The following PLEKHA7 variants were observed in gnomAD, a reference collection of about 807,000 sequenced individuals.
PLEKHA7 encodes the protein pleckstrin homology domain-containing family A member 7.
In PLEKHA7, 104 loss-of-function variants were observed where a neutral mutation model predicts 170.0. The ratio of observed to expected loss-of-function variants is 0.61; its 90% CI spans 0.52 to 0.72. The LOEUF is 0.72. PLEKHA7 is among the 30% of genes least tolerant of loss of function. PLEKHA7 has a pLI of 0.00. For missense variants in PLEKHA7, 1,615 were observed against 1,671.7 expected (o/e 0.97, Z 0.59); for synonymous variants, 648 against 660.8 (o/e 0.98, Z 0.30).
intron 3 of PLEKHA7, among the ~76,000 whole-genome samples, chr11:17,011,111 G>A (rs1865298400): frequency 1.3e-5 from 2 of 152,180 alleles, no homozygotes; most frequent in African/African-American, 4.8e-5. Context: ...AGTCAGCAAA[G>A]GTGTGGAAGG....
At chr11:16,976,831 G>T (rs1863096946) in intron 3 of PLEKHA7, among the ~76,000 whole-genome samples, 1 of 152,194 alleles carries the variant, frequency 6.6e-6, no homozygotes, top group Non-Finnish European at 1.5e-5. Flanking sequence ...TGCCTGCTTA[G>T]CTCACTACCA....
At chr11:16,951,134 A>G (rs539453036) in intron 3 of PLEKHA7, among the ~76,000 whole-genome samples, 39 of 152,326 alleles carry the variant, frequency 2.6e-4, no homozygotes, top group African/African-American at 9.4e-4. Flanking sequence ...GAAGTTTATC[A>G]TCCATATTGC....
chr11:16,962,164 G>A (rs998448254), intron 3 of PLEKHA7, among the ~76,000 whole-genome samples: 3 of 152,214 alleles, frequency 2.0e-5, no homozygotes, highest in Non-Finnish European at 4.4e-5. Flanking sequence ...TGTACATGGT[G>A]GCAAAGTGCT....
At chr11:16,896,882 G>A (rs1857026285) in intron 3 of PLEKHA7, among the ~76,000 whole-genome samples, 1 of 151,970 alleles carries the variant, frequency 6.6e-6, no homozygotes, top group Non-Finnish European at 1.5e-5. Flanking sequence ...TTGTCCTTTA[G>A]AAGCCTTCCA....
rs1857976752 is a variant in PLEKHA7 at position 16,908,157 on chromosome 11, A to C, written c.222-36975T>G. Among the ~76,000 whole-genome samples, 3 of 150,846 alleles carry C rather than the reference A, an allele frequency of 2.0e-5. No homozygotes were observed. The South Asian group carries it at 6.3e-4, about 32-fold the overall frequency. ...GCCGCAGGGTCCTCTGCCTAGGAAA[A>C]CCAGAGACCTTTGTTCACTTATCTG... On this transcript the variant is annotated intron_variant, in intron 3 of 26. Coordinates refer to ENST00000531066, the MANE Select transcript of PLEKHA7 (RefSeq NM_001329630.2).
chr11:16,932,786 G>A (rs867661021), intron 3 of PLEKHA7, among the ~76,000 whole-genome samples: 8 of 152,196 alleles, frequency 5.3e-5, no homozygotes, highest in African/African-American at 9.7e-5. Context: ...GTAAGACCTC[G>A]CTAAGGTGTG....
chr11:16,845,684 C>A (rs1852340053), intron 8 of PLEKHA7, among the ~76,000 whole-genome samples: 1 of 152,050 alleles, frequency 6.6e-6, no homozygotes, highest in South Asian at 2.1e-4. Flanking sequence ...AGGGTTTAAA[C>A]TGGGGAATGA....
At chr11:16,912,898 G>C (rs1272658283) in intron 3 of PLEKHA7, among the ~76,000 whole-genome samples, 1 of 152,222 alleles carries the variant, frequency 6.6e-6, no homozygotes, top group African/African-American at 2.4e-5. Context: ...AAATGCCTAA[G>C]TGAGGGGACA....
chr11:16,869,945 T>C (rs1414991792), intron 4 of PLEKHA7, among the ~76,000 whole-genome samples: 1 of 152,220 alleles, frequency 6.6e-6, no homozygotes, highest in Admixed American at 6.5e-5. Flanking sequence ...TTTGTTACTT[T>C]CCAAAACACA....
chr11:16,939,404 G>C (rs1296064624), intron 3 of PLEKHA7, among the ~76,000 whole-genome samples: 1 of 151,850 alleles, frequency 6.6e-6, no homozygotes, highest in East Asian at 1.9e-4. Context: ...ACACAGCAAG[G>C]CTCTGTTATC....
chr11:16,928,903 TAATAAATA>T (rs553081373), intron 3 of PLEKHA7, among the ~76,000 whole-genome samples: 1 of 152,064 alleles, frequency 6.6e-6, no homozygotes, highest in African/African-American at 2.4e-5. Flanking sequence ...AAAGTTCAGT[TAATAAATA>T]AATAAATAAA....
Position 16,803,006 on chromosome 11 carries a change from A to G in PLEKHA7, c.2123T>C (p.Leu708Ser), listed in dbSNP as rs1179140770. 6.2e-7 allele frequency: 1 copy of G among 1,613,944 alleles called. No individual in the cohort carries two copies. Among genetic ancestry groups the G allele is most frequent in the South Asian group, 1.1e-5 (1 of 90,876 alleles). ...TTTAAGGGCTCGTATCTTGTCTTCC[A>G]AGTCCTGGAGGACCCTGTCTTGTTC... Reference protein sequence around the residue: ...FCEQDRVLQDLEDKIRALKEN... With the variant: ...FCEQDRVLQDSEDKIRALKEN... The change falls in exon 15 of 27, where the codon TTG becomes TCG. Residue 708 changes from leucine (L) to serine (S), a missense_variant. Coordinates refer to ENST00000531066, the MANE Select transcript of PLEKHA7 (RefSeq NM_001329630.2).
rs984282203 is a variant in PLEKHA7 at position 16,791,301 on chromosome 11, C to G, written c.2746-102G>C. Reference sequence around the variant, plus strand: ...AGGTTTAAAGGGTAGGAACAGGCCACATCAGAGCCACAGAACATGACTGCC... The same window carrying G: ...AGGTTTAAAGGGTAGGAACAGGCCAGATCAGAGCCACAGAACATGACTGCC... On this transcript the variant is annotated intron_variant, in intron 19 of 26. Coordinates refer to ENST00000531066, the MANE Select transcript of PLEKHA7 (RefSeq NM_001329630.2). This position sits in a 1 kb window ranked among gnomAD's most constrained non-coding sequence, Gnocchi z 4.5. 4.4e-6 allele frequency: 5 copies of G among 1,129,110 alleles called. No individual in the cohort carries two copies. The East Asian group carries it at 1.0e-4, about 23-fold the overall frequency. The allele number at this position is 1,129,110 out of a possible 1,614,324, so 69.9% of individuals were successfully genotyped here.
At chr11:16,816,516 C>T (rs886403336) in intron 11 of PLEKHA7, among the ~76,000 whole-genome samples, 14 of 152,290 alleles carry the variant, frequency 9.2e-5, no homozygotes, top group Middle Eastern at 3.4e-3. Context: ...TGCAAGGAAG[C>T]TGACTTGTAG....
chr11:16,932,030 C>G (rs1306427848), intron 3 of PLEKHA7, among the ~76,000 whole-genome samples: 1 of 152,174 alleles, frequency 6.6e-6, no homozygotes, highest in Non-Finnish European at 1.5e-5. Context: ...ATGCTCTCAA[C>G]TCACCAGTGT....
chr11:16,817,530 T>C lies in PLEKHA7; in HGVS notation c.1344-208A>G. ...ACCATTTTTCTCTGTCAACTTCCTC[T>C]GCCAGGACAACTTGGCTACCCCATG... On this transcript the variant is annotated intron_variant, in intron 10 of 26. Coordinates refer to ENST00000531066, the MANE Select transcript of PLEKHA7 (RefSeq NM_001329630.2). The surrounding 1 kb of genome is among the most constrained non-coding windows in gnomAD (Gnocchi z 4.4). 2.0e-6 allele frequency: 1 copy of C among 508,678 alleles called. No homozygotes were observed. The highest frequency in any genetic ancestry group is 3.4e-6 in the Non-Finnish European group (1 of 293,974). The allele number at this position is 508,678 out of a possible 1,614,324, so 31.5% of individuals were successfully genotyped here. A position where few individuals can be genotyped will look rare whatever the true frequency, so the allele number is the denominator to read the frequency against.
chr11:17,006,097 A>G (rs915368962), intron 3 of PLEKHA7, among the ~76,000 whole-genome samples: 2 of 152,184 alleles, frequency 1.3e-5, no homozygotes, highest in Non-Finnish European at 2.9e-5. Flanking sequence ...AAGGCTGGGC[A>G]TGGTGGCTCA....
intron 3 of PLEKHA7, among the ~76,000 whole-genome samples, chr11:17,007,198 A>G (rs7933984): frequency 0.63 from 96,585 of 152,148 alleles, 31,309 homozygotes; most frequent in East Asian, 0.96. Context: ...AACTCCTAGC[A>G]TATGAGGTAA....
intron 3 of PLEKHA7, among the ~76,000 whole-genome samples, chr11:16,918,324 C>T (rs1311872186): frequency 6.6e-6 from 1 of 152,206 alleles, no homozygotes; most frequent in Non-Finnish European, 1.5e-5. Flanking sequence ...TTCATTTCCA[C>T]TTGAGCCTGG....
Sources: allele counts gnomAD v4.1 joint callset (sites outside exome capture counted in the v4.1 genomes callset), GRCh38; gene constraint gnomAD v4.1.1; non-coding constraint Gnocchi (gnomAD v3.1); transcripts MANE v1.5; gene names NCBI Gene and HGNC (gene_info 2026-07-23, HGNC 2026-07-21).